PEAK1: variants seen among roughly 807,000 people sequenced by gnomAD.
PEAK1 encodes pseudopodium enriched atypical kinase 1, also known as inactive tyrosine-protein kinase PEAK1.
PEAK1 carries 54 observed loss-of-function variants against 124.7 expected under a neutral mutation model. The ratio of observed to expected loss-of-function variants is 0.43; its 90% CI spans 0.35 to 0.54. The LOEUF (loss-of-function observed/expected upper bound fraction) is 0.54. Ranked by LOEUF, PEAK1 falls within the 20% of genes least tolerant of loss-of-function variation. PEAK1 has a pLI of 0.01. For missense variants in PEAK1, 2,046 were observed against 2,134.5 expected (o/e 0.96, Z 0.82); for synonymous variants, 719 against 760.0 (o/e 0.95, Z 0.89).
Position 77,112,440 on chromosome 15 carries a change from G to C in PEAK1, c.*1716C>G, listed in dbSNP as rs1372887046. ...CTGCACTGGTAGATGAGGGGCCTCA[G>C]GGCTCACTCACTCACTAGGCACAGA... On this transcript the variant is annotated 3_prime_UTR_variant, in exon 10 of 10. Coordinates refer to ENST00000682557, the MANE Select transcript of PEAK1 (RefSeq NM_001385026.1). The C allele has an allele frequency of 6.6e-6, 1 of 152,172 alleles. No individual in the cohort carries two copies. Among genetic ancestry groups the C allele is most frequent in the Non-Finnish European group, 1.5e-5 (1 of 68,042 alleles). 9.4% of individuals were successfully genotyped at this position (152,172 alleles called of 1,614,324 possible).
intron 2 of PEAK1, chr15:77,355,747 AC>A: frequency 1.0e-6 from 1 of 984,712 alleles, no homozygotes; most frequent in Non-Finnish European, 1.2e-6. Flanking sequence ...GCCTGTAATT[AC>A]GTAAATCAGG....
At chr15:77,306,056 A>C (rs2064085408) in intron 2 of PEAK1, among the ~76,000 whole-genome samples, 1 of 152,240 alleles carries the variant, frequency 6.6e-6, no homozygotes, top group African/African-American at 2.4e-5. Context: ...GTACTTAGAC[A>C]TATAAAACCC....
At chr15:77,287,142 C>T (rs1396339052) in intron 2 of PEAK1, among the ~76,000 whole-genome samples, 2 of 152,214 alleles carry the variant, frequency 1.3e-5, no homozygotes, top group African/African-American at 4.8e-5. Flanking sequence ...ATTAAAAGGG[C>T]CACACTGTAC....
intron 3 of PEAK1, 27 bp from the exon 4 acceptor site, chr15:77,285,082 A>T (rs1438061694): frequency 1.6e-4 from 3 of 19,104 alleles, no homozygotes; most frequent in Non-Finnish European, 5.0e-4. Context: ...GACTCGTCTC[A>T]AAAAAAAAAA....
At position 77,114,579 on chromosome 15, in the gene PEAK1, G is replaced by T. The variant is rs2051187360; in HGVS notation, c.4818C>A (p.Pro1606=). 1 of 1,613,966 alleles carries T rather than the reference G, an allele frequency of 6.2e-7. No individual in the cohort carries two copies. Among genetic ancestry groups the T allele is most frequent in the Non-Finnish European group, 8.5e-7 (1 of 1,180,024 alleles). Residue 1606 remains proline (P), a synonymous_variant, in exon 10 of 10, where the codon CCC becomes CCA. Transcript: ENST00000682557. ...GILIYEMLHL[P]NPFDENPELK... is the part of the protein sequence containing the mutation. ...GCTCTGGGTTCTCATCAAAGGGGTTGGGTAGGTGCAGCATCTCATAGATGA... is the reference window on the plus strand; with the variant it reads ...GCTCTGGGTTCTCATCAAAGGGGTTTGGTAGGTGCAGCATCTCATAGATGA...
At chr15:77,254,370 A>T (rs562860381) in intron 5 of PEAK1, among the ~76,000 whole-genome samples, 2 of 152,026 alleles carry the variant, frequency 1.3e-5, no homozygotes, top group South Asian at 2.1e-4. Flanking sequence ...TTTTATAAAA[A>T]TTTTTTCTCT....
chr15:77,316,082 T>C (rs1248637048), intron 2 of PEAK1, among the ~76,000 whole-genome samples: 1 of 152,182 alleles, frequency 6.6e-6, no homozygotes, highest in Non-Finnish European at 1.5e-5. Context: ...TCTATAAATC[T>C]AAAACTGCTC....
In PEAK1 at chr15:77,349,109, G is replaced by A. The variant is rs1404926909; in HGVS notation, c.-603+16054C>T. The stretch of plus-strand genomic sequence containing the variant: ...GGCTAGAGTGCAGTGGTGTGATCTC[G>A]GCTCACTGCAACCTCCACCTCCTGG... On this transcript the variant is annotated intron_variant, in intron 2 of 9. Coordinates refer to ENST00000682557, the MANE Select transcript of PEAK1 (RefSeq NM_001385026.1). 23 of 660,372 alleles carry A rather than the reference G, an allele frequency of 3.5e-5. No individual in the cohort carries two copies. In the East Asian group the frequency reaches 9.7e-4, roughly 28 times the overall value. 40.9% of individuals were successfully genotyped at this position (660,372 alleles called of 1,614,324 possible). A position where few individuals can be genotyped will look rare whatever the true frequency, so the allele number is the denominator to read the frequency against.
intron 9 of PEAK1, among the ~76,000 whole-genome samples, chr15:77,119,963 G>A (rs1343826700): frequency 6.6e-6 from 1 of 152,146 alleles, no homozygotes; most frequent in Non-Finnish European, 1.5e-5. Context: ...TGATCACAAA[G>A]CCTGGGACCT....
intron 1 of PEAK1, among the ~76,000 whole-genome samples, chr15:77,410,773 C>G (rs1369408386): frequency 2.0e-5 from 3 of 152,182 alleles, no homozygotes; most frequent in Non-Finnish European, 4.4e-5. Flanking sequence ...GGTCCATAAA[C>G]CTGGATAATA....
chr15:77,295,462 T>A (rs1184313527), intron 2 of PEAK1, among the ~76,000 whole-genome samples: 5 of 152,174 alleles, frequency 3.3e-5, no homozygotes. Context: ...CTCAAGTCTT[T>A]TAAATTAACT....
At chr15:77,272,370 T>C (rs1232064270) in intron 5 of PEAK1, among the ~76,000 whole-genome samples, 1 of 152,010 alleles carries the variant, frequency 6.6e-6, no homozygotes, top group East Asian at 1.9e-4. Context: ...ATTAGTGAGA[T>C]TAACCAAGAA....
At chr15:77,397,413 G>C (rs2070981602) in intron 1 of PEAK1, among the ~76,000 whole-genome samples, 1 of 151,490 alleles carries the variant, frequency 6.6e-6, no homozygotes, top group Non-Finnish European at 1.5e-5. Flanking sequence ...AGAAAAGCAA[G>C]AGCAAACCAA....
At chr15:77,270,730 T>C (rs1423845744) in intron 5 of PEAK1, among the ~76,000 whole-genome samples, 2 of 152,140 alleles carry the variant, frequency 1.3e-5, no homozygotes. Flanking sequence ...GGTAGCTTGA[T>C]GGGGATGGCA....
chr15:77,392,117 A>G (rs2070513344), intron 1 of PEAK1, among the ~76,000 whole-genome samples: 1 of 152,230 alleles, frequency 6.6e-6, no homozygotes, highest in South Asian at 2.1e-4. Context: ...ACTGTAGTTC[A>G]TTCATTTTTG....
intron 1 of PEAK1, chr15:77,419,448 A>G (rs1222962660): frequency 2.0e-6 from 2 of 985,206 alleles, no homozygotes; most frequent in Non-Finnish European, 2.4e-6. Flanking sequence ...CCGCCAGCCC[A>G]CACGTTCGCG....
At chr15:77,274,587 CATAAA>C (rs1325069328) in intron 5 of PEAK1, among the ~76,000 whole-genome samples, 1 of 151,538 alleles carries the variant, frequency 6.6e-6, no homozygotes, top group Non-Finnish European at 1.5e-5. Context: ...CAACAATAAC[CATAAA>C]ATAAAATAAA....
At chr15:77,376,505 C>T (rs2069041359) in intron 1 of PEAK1, among the ~76,000 whole-genome samples, 1 of 152,180 alleles carries the variant, frequency 6.6e-6, no homozygotes. Context: ...TCACCTCTCT[C>T]CTAAGAGAAG....
chr15:77,205,237 C>A, intron 6 of PEAK1: 1 of 130,066 alleles, frequency 7.7e-6, no homozygotes, highest in Non-Finnish European at 1.4e-5. Flanking sequence ...GGAATCCCAT[C>A]TCATCCCATT....
Sources: gnomAD v4.1 joint callset for allele counts (sites outside exome capture counted in the v4.1 genomes callset) on GRCh38, gnomAD v4.1.1 for gene constraint, MANE v1.5 for transcripts, NCBI Gene and HGNC (gene_info 2026-07-23, HGNC 2026-07-21) for gene names.